The following CSMD1 variants were observed in gnomAD, a reference collection of about 807,000 sequenced individuals.
CSMD1 encodes CUB and sushi domain-containing protein 1.
Under a neutral mutation model 417.5 loss-of-function variants are expected in CSMD1, and 213 were observed. The ratio of observed to expected loss-of-function variants is 0.51; its 90% CI spans 0.46 to 0.57. The LOEUF (loss-of-function observed/expected upper bound fraction) is 0.57. Among genes scored for constraint, CSMD1 ranks in the 20% least tolerant of loss-of-function variants. The probability of loss-of-function intolerance (pLI) is 0.00; values close to 1 mark genes in which losing one functional copy is unlikely to be tolerated. For synonymous variants in CSMD1, 2,862 were observed against 1,736.8 expected, an observed-to-expected ratio of 1.65 and a Z score of -16.11; for missense variants, 6,923 against 4,529.7, an observed-to-expected ratio of 1.53 and a Z score of -15.17.
chr8:3,777,118 A>G (rs1354677786), intron 5 of CSMD1, among the ~76,000 whole-genome samples: 1 of 48,634 alleles, frequency 2.1e-5, no homozygotes, highest in Non-Finnish European at 3.9e-5. Context: ...AGCTATCTAT[A>G]CCTACACACA....
chr8:4,779,317 T>C (rs1797031142), intron 1 of CSMD1, among the ~76,000 whole-genome samples: 2 of 152,170 alleles, frequency 1.3e-5, no homozygotes, highest in Non-Finnish European at 2.9e-5. Context: ...TATTTATTTT[T>C]AAAAAATCAA....
chr8:4,309,208 A>C (rs938462028), intron 3 of CSMD1, among the ~76,000 whole-genome samples: 79 of 152,138 alleles, frequency 5.2e-4, no homozygotes, highest in Non-Finnish European at 1.3e-4. Context: ...TCCTAGGGTC[A>C]GTTTGATATT....
At chr8:4,360,239 AT>A (rs1399084335) in intron 3 of CSMD1, among the ~76,000 whole-genome samples, 1 of 151,972 alleles carries the variant, frequency 6.6e-6, no homozygotes, top group Non-Finnish European at 1.5e-5. Context: ...TCTAATGTTG[AT>A]TTCCTGATGA....
At chr8:4,687,797 G>A (rs187716241) in intron 1 of CSMD1, among the ~76,000 whole-genome samples, 69 of 150,898 alleles carry the variant, frequency 4.6e-4, no homozygotes, top group African/African-American at 1.5e-3. Context: ...TTCAGGGAAT[G>A]CATGCACAGA....
rs199979403 is a variant in CSMD1 at position 3,000,024 on chromosome 8, C to G, written c.8137G>C (p.Val2713Leu). The change falls in exon 53 of 70, where the codon GTG becomes CTG. Residue 2713 changes from valine (V) to leucine (L), a missense_variant. By Grantham distance (32) the Val-to-Leu change is conservative (BLOSUM62 1). Transcript: ENST00000635120. ...VYQCNPGFRL[V>L]GTSVRICLQD... ...AGGCATATCCTCACGGAAGTTCCCA[C>G]AAGCCGGAAACCAGGATTGCACTGG... 3.1e-6 allele frequency: 5 copies of G among 1,607,588 alleles called. No homozygotes were observed. In the South Asian group the frequency reaches 5.5e-5, roughly 18 times the overall value.
intron 69 of CSMD1, 32 bp from the exon 70 acceptor site, chr8:2,938,776 C>G (rs1426826040): frequency 6.4e-7 from 1 of 1,567,218 alleles, no homozygotes; most frequent in Admixed American, 1.9e-5. Context: ...TCATTAGAAT[C>G]CTGGTTTCAT....
chr8:3,274,391 A>G (rs905288873), intron 26 of CSMD1, among the ~76,000 whole-genome samples: 7 of 152,126 alleles, frequency 4.6e-5, no homozygotes, highest in South Asian at 2.1e-4. Context: ...GTGCTGAAAA[A>G]AATGTATATT....
chr8:4,910,815 C>G (rs1189962846), intron 1 of CSMD1, among the ~76,000 whole-genome samples: 1 of 152,134 alleles, frequency 6.6e-6, no homozygotes, highest in Non-Finnish European at 1.5e-5. Context: ...TGATAAATGT[C>G]ATTAGATAGT....
intron 5 of CSMD1, among the ~76,000 whole-genome samples, chr8:3,891,590 C>T (rs149297270): frequency 3.1e-4 from 47 of 151,898 alleles, no homozygotes; most frequent in African/African-American, 9.9e-4. Context: ...GGCTGAGATG[C>T]GAGGATTGTT....
chr8:3,805,484 A>G (rs1269890886), intron 5 of CSMD1, among the ~76,000 whole-genome samples: 1 of 152,160 alleles, frequency 6.6e-6, no homozygotes, highest in East Asian at 1.9e-4. Context: ...CTCCACTCTG[A>G]TTCCTGACCA....
At chr8:3,310,434 G>A (rs1009816418) in intron 23 of CSMD1, among the ~76,000 whole-genome samples, 2 of 152,192 alleles carry the variant, frequency 1.3e-5, no homozygotes, top group Admixed American at 1.3e-4. Flanking sequence ...CAAACTAGAG[G>A]CAGAATGACT....
intron 2 of CSMD1, among the ~76,000 whole-genome samples, chr8:4,452,674 A>G (rs958851537): frequency 6.6e-6 from 1 of 152,190 alleles, no homozygotes; most frequent in Admixed American, 6.5e-5. Context: ...TATTTTCTCC[A>G]GAAATAAAGT....
rs534411437 is a variant in CSMD1 at position 3,247,350 on chromosome 8, G to A, written c.4154-17119C>T. Among the ~76,000 whole-genome samples the A allele has an allele frequency of 3.4e-4, 52 of 152,136 alleles. No homozygotes were observed. In the South Asian group the frequency reaches 5.2e-3, roughly 15 times the overall value. ...TCCTCCTGCTCCTGGCCCCCTCCCC[G>A]CCTGCTTGCTCCTGAACCGCTAGCA... On this transcript the variant is annotated intron_variant, in intron 26 of 69. Coordinates refer to ENST00000635120, the MANE Select transcript of CSMD1 (RefSeq NM_033225.6).
chr8:4,020,318 G>A (rs767340013), intron 4 of CSMD1, among the ~76,000 whole-genome samples: 2 of 152,172 alleles, frequency 1.3e-5, no homozygotes, highest in African/African-American at 2.4e-5. Flanking sequence ...GTTTCACCAC[G>A]ACAAGCACTT....
chr8:4,261,849 C>T (rs780262230), intron 3 of CSMD1, among the ~76,000 whole-genome samples: 1 of 151,978 alleles, frequency 6.6e-6, no homozygotes, highest in Non-Finnish European at 1.5e-5. Context: ...AGATTTTGTT[C>T]ATTATACCCT....
intron 3 of CSMD1, among the ~76,000 whole-genome samples, chr8:4,391,603 G>C (rs1803854254): frequency 6.6e-6 from 1 of 151,976 alleles, no homozygotes; most frequent in Admixed American, 6.6e-5. Context: ...CCCCGCTTTT[G>C]ACTCCAGACC....
intron 5 of CSMD1, among the ~76,000 whole-genome samples, chr8:3,834,515 G>A (rs1039963829): frequency 6.6e-6 from 1 of 152,188 alleles, no homozygotes; most frequent in African/African-American, 2.4e-5. Flanking sequence ...GAGAAACGGG[G>A]TAGAAGCTGC....
intron 5 of CSMD1, among the ~76,000 whole-genome samples, chr8:3,839,275 T>C (rs1379512154): frequency 9.8e-5 from 12 of 122,916 alleles, no homozygotes; most frequent in South Asian, 2.4e-4. Flanking sequence ...ATACTATTAA[T>C]ATATAATATT....
At chr8:4,867,162 C>G (rs1336331840) in intron 1 of CSMD1, among the ~76,000 whole-genome samples, 1 of 151,956 alleles carries the variant, frequency 6.6e-6, no homozygotes, top group Non-Finnish European at 1.5e-5. Flanking sequence ...ATTTATTTAA[C>G]CACTGTGACA....
Sources: gnomAD v4.1 joint callset for allele counts (sites outside exome capture counted in the v4.1 genomes callset) on GRCh38, gnomAD v4.1.1 for gene constraint, MANE v1.5 for transcripts, NCBI Gene and HGNC (gene_info 2026-07-23, HGNC 2026-07-21) for gene names.